Variants in NUMA1 observed in about 807,000 individuals in gnomAD.
NUMA1 encodes the protein nuclear mitotic apparatus protein 1.
A neutral mutation model predicts 237.1 loss-of-function variants in NUMA1; 62 were observed. The observed-to-expected ratio is 0.26, with a 90% CI of 0.21 to 0.32. The LOEUF is 0.32. Among genes scored for constraint, NUMA1 ranks in the 10% least tolerant of loss-of-function variants. The pLI is 1.00. For missense variants in NUMA1, 2,533 were observed against 2,666.5 expected (o/e 0.95, Z 1.10); for synonymous variants, 1,028 against 1,066.1 (o/e 0.96, Z 0.70).
chr11:72,023,627 A>G (rs372193721), intron 5 of NUMA1, among the ~76,000 whole-genome samples: 1 of 152,102 alleles, frequency 6.6e-6, no homozygotes, highest in African/African-American at 2.4e-5. Context: ...CTTTCCTATA[A>G]TTCTCTAGGG....
At position 72,015,194 on chromosome 11, in the gene NUMA1, C is replaced by G. The variant is rs1956439694; in HGVS notation, c.2309G>C (p.Arg770Pro). ...ATGGGCCTCCCCAAGCTGCTGTAATCGAGCCTCCAGCCCCTTGCGCCCAGC... is the reference window on the plus strand; with the variant it reads ...ATGGGCCTCCCCAAGCTGCTGTAATGGAGCCTCCAGCCCCTTGCGCCCAGC... ...ERAGRKGLEA[R>P]LQQLGEAHQA... is the part of the protein sequence containing the mutation. The change falls in exon 15 of 27, where the codon CGA becomes CCA. Residue 770 changes from arginine to proline, a missense_variant. By Grantham distance (103) the Arg-to-Pro change is moderately radical (BLOSUM62 -2). This residue lies in a region of NUMA1 where 1,414 missense variants were observed against 1,508.1 expected (regional missense o/e 0.94). Transcript: ENST00000393695. This position sits in a 1 kb window ranked among gnomAD's most constrained non-coding sequence, Gnocchi z 4.0. The G allele has an allele frequency of 1.9e-6, 3 of 1,613,422 alleles. No homozygotes were observed. The highest frequency in any genetic ancestry group is 2.5e-6 in the Non-Finnish European group (3 of 1,180,030).
intron 2 of NUMA1, chr11:72,040,539 A>C (rs1020412861): frequency 1.4e-4 from 22 of 155,630 alleles, no homozygotes; most frequent in African/African-American, 5.1e-4. Context: ...CACTATATTC[A>C]CACACCCTGG....
intron 2 of NUMA1, chr11:72,068,621 G>GGA: frequency 6.6e-6 from 1 of 152,062 alleles, no homozygotes; most frequent in Non-Finnish European, 1.5e-5. Context: ...ACCCTGTCTG[G>GGA]AAAAAAAAAA....
chr11:72,007,044 C>A, intron 21 of NUMA1, 145 bp downstream of exon 21: 3 of 935,668 alleles, frequency 3.2e-6, no homozygotes, highest in Non-Finnish European at 4.7e-6. Context: ...CAAGTCACTG[C>A]CCTTTTTAAG....
intron 3 of NUMA1, among the ~76,000 whole-genome samples, chr11:72,034,866 T>A (rs1433205395): frequency 6.6e-6 from 1 of 152,158 alleles, no homozygotes; most frequent in African/African-American, 2.4e-5. Flanking sequence ...TATTTTTATA[T>A]ATATTTTTGA....
intron 15 of NUMA1, among the ~76,000 whole-genome samples, chr11:72,012,653 A>G (rs1379117480): frequency 6.7e-6 from 1 of 150,296 alleles, no homozygotes; most frequent in Non-Finnish European, 1.5e-5. Flanking sequence ...GCTGGTGGTC[A>G]TCACAACTTG....
In NUMA1 at chr11:72,018,540, G is replaced by A. The variant is rs1028367828; in HGVS notation, c.743-27C>T. 4 of 1,585,270 alleles carry A rather than the reference G, an allele frequency of 2.5e-6. No homozygotes were observed. The African/African-American group carries it at 4.0e-5, about 16-fold the overall frequency. ...TGCCCAGAGTGGAGGGAGGAGGAGA[G>A]GAGAATCAGAACTATGTGCATGAGC... On this transcript the variant is annotated intron_variant, in intron 10 of 26. Coordinates refer to ENST00000393695, the MANE Select transcript of NUMA1 (RefSeq NM_006185.4).
rs750894124 is a variant in NUMA1, at chr11:72,003,985, T to C, written c.6238A>G (p.Thr2080Ala). 2 of 1,610,760 alleles carry C rather than the reference T, an allele frequency of 1.2e-6. No individual in the cohort carries two copies. The highest frequency in any genetic ancestry group is 2.7e-5 in the African/African-American group (2 of 74,480). The change falls in exon 26 of 27, where the codon ACT becomes GCT. Residue 2080 changes from threonine to alanine, a missense_variant. Physicochemically the swap from Thr to Ala is moderately conservative, Grantham distance 58 (BLOSUM62 0). This residue lies in a region of NUMA1 where 795 missense variants were observed against 750.8 expected (regional missense o/e 1.06). Coordinates refer to ENST00000393695, the MANE Select transcript of NUMA1 (RefSeq NM_006185.4). ...GGAGAACGGCGGGTTCCACTGCGAG[T>C]GTTGGGGGAAGCCTTGGACAGGGCC... ...KKALSKASPN[T>A]RSGTRRSPRI...
chr11:72,048,327 A>G (rs1038802475), intron 2 of NUMA1, among the ~76,000 whole-genome samples: 2 of 152,114 alleles, frequency 1.3e-5, no homozygotes. Flanking sequence ...AAGCTAGCAC[A>G]TTCTCAGCAA....
chr11:72,025,277 G>GCTCTCAC (rs1939424955), intron 4 of NUMA1, among the ~76,000 whole-genome samples: 1 of 152,050 alleles, frequency 6.6e-6, no homozygotes, highest in Non-Finnish European at 1.5e-5. Flanking sequence ...AGGAGAGGGA[G>GCTCTCAC]ACAGCAGGGG....
chr11:72,034,589 T>G (rs966753834), intron 3 of NUMA1, among the ~76,000 whole-genome samples: 1 of 151,690 alleles, frequency 6.6e-6, no homozygotes, highest in African/African-American at 2.4e-5. Flanking sequence ...GCACCTGTAA[T>G]CCCAGCTACT....
rs1417282754 is a variant in NUMA1 at position 72,009,037 on chromosome 11, C to G, written c.4988G>C (p.Gly1663Ala). The part of the protein sequence containing the change: ...ERLGHELQQA[G>A]LKTKEAEQTC... ...CTGTTCAGCCTCCTTGGTCTTCAGC[C>G]CAGCCTGCTGTAGCTCATGGCCCAG... The change falls in exon 19 of 27, where the codon GGG (glycine) becomes GCG (alanine). Residue 1663 changes from glycine (G) to alanine (A), a missense_variant. Physicochemically the swap from Gly to Ala is moderately conservative, Grantham distance 60. Transcript: ENST00000393695. 6.2e-7 allele frequency: 1 copy of G among 1,613,690 alleles called. No homozygotes were observed. The highest frequency in any genetic ancestry group is 1.3e-5 in the African/African-American group (1 of 74,914).
chr11:72,046,226 G>T (rs895303905), intron 2 of NUMA1, among the ~76,000 whole-genome samples: 2 of 152,226 alleles, frequency 1.3e-5, no homozygotes, highest in African/African-American at 4.8e-5. Context: ...CAGAAGAGCG[G>T]GAAAGGAGTG....
At chr11:72,024,191 C>T (rs1209228231) in intron 5 of NUMA1, 83 bp downstream of exon 5, 2 of 1,242,950 alleles carry the variant, frequency 1.6e-6, no homozygotes, top group Admixed American at 1.7e-5. Flanking sequence ...CCTCCAGACA[C>T]CCATGAACTA....
chr11:72,049,606 A>G (rs1400085020), intron 2 of NUMA1: 3 of 79,256 alleles, frequency 3.8e-5, no homozygotes, highest in African/African-American at 1.2e-4. Context: ...GTATATATAT[A>G]TATATATTTG....
chr11:72,017,530 C>A, intron 13 of NUMA1, 157 bp downstream of exon 13: 2 of 887,840 alleles, frequency 2.3e-6, no homozygotes, highest in Non-Finnish European at 3.7e-6. Flanking sequence ...AAAAGGTGTA[C>A]TAGACTGAAG....
intron 17 of NUMA1, among the ~76,000 whole-genome samples, chr11:72,009,899 T>TC (rs1232607877): frequency 6.6e-6 from 1 of 152,166 alleles, no homozygotes; most frequent in Non-Finnish European, 1.5e-5. Flanking sequence ...TAAGATTTGG[T>TC]CCACCTAACT....
intron 8 of NUMA1, chr11:72,020,439 C>T (rs1938607052): frequency 6.6e-6 from 1 of 152,252 alleles, no homozygotes; most frequent in Non-Finnish European, 1.5e-5. Context: ...AGAAGACCAG[C>T]AGAACGATCA....
At position 72,018,326 on chromosome 11, in the gene NUMA1, G is replaced by A. The variant is rs73533756; in HGVS notation, c.861-26C>T. On this transcript the variant is annotated intron_variant, in intron 11 of 26. Transcript: ENST00000393695. ...CTGCGAGGGAGGGAAGCAGTGAGAA[G>A]AGAGTATGGGTTCCTGGCTGGGTGA... 2,980 of 1,609,140 alleles carry A rather than the reference G, an allele frequency of 1.9e-3. 40 individuals are homozygous for A. In the African/African-American group the frequency reaches 0.035, roughly 19 times the overall value.
Sources: gnomAD v4.1 joint callset for allele counts (sites outside exome capture counted in the v4.1 genomes callset) on GRCh38, gnomAD v4.1.1 for gene constraint, gnomAD v4.1.1 regional missense constraint, Gnocchi (gnomAD v3.1) non-coding constraint, MANE v1.5 for transcripts, NCBI Gene and HGNC (gene_info 2026-07-23, HGNC 2026-07-21) for gene names.